INO80: variants seen among roughly 807,000 people sequenced by gnomAD.
INO80 encodes INO80 complex ATPase subunit, also known as chromatin-remodeling ATPase INO80.
Under a neutral mutation model 203.4 loss-of-function variants are expected in INO80, and 20 were observed. The observed-to-expected ratio is 0.10, with a 90% CI of 0.07 to 0.14. The LOEUF is 0.14. INO80 is among the 10% of genes least tolerant of loss of function. The probability of loss-of-function intolerance (pLI) is 1.00; values close to 1 mark genes in which losing one functional copy is unlikely to be tolerated. For synonymous variants in INO80, 726 were observed against 685.2 expected (o/e 1.06, Z -0.93); for missense variants, 1,419 against 1,914.4 (o/e 0.74, Z 4.83).
intron 29 of INO80, among the ~76,000 whole-genome samples, chr15:40,994,733 A>G (rs2043858952): frequency 6.6e-6 from 1 of 152,182 alleles, no homozygotes; most frequent in African/African-American, 2.4e-5. Context: ...AATGTAATTT[A>G]TAGTAACTAT....
intron 19 of INO80, among the ~76,000 whole-genome samples, chr15:41,051,500 T>A (rs542411603): frequency 1.3e-5 from 2 of 151,064 alleles, no homozygotes; most frequent in South Asian, 4.2e-4. Flanking sequence ...ATCACCTCTC[T>A]ATGTAGCACT....
At chr15:41,037,798 C>T (rs2044603320) in intron 24 of INO80, among the ~76,000 whole-genome samples, 1 of 151,354 alleles carries the variant, frequency 6.6e-6, no homozygotes, top group Non-Finnish European at 1.5e-5. Flanking sequence ...CAAAAATTAG[C>T]TTGGAGTGGT....
At chr15:41,045,809 G>C (rs559949258) in intron 23 of INO80, among the ~76,000 whole-genome samples, 1 of 151,800 alleles carries the variant, frequency 6.6e-6, no homozygotes, top group African/African-American at 2.4e-5. Context: ...GCTGAGGCAG[G>C]AGAATAACTT....
chr15:41,092,029 CCTT>C lies in INO80; in HGVS notation c.532_534del (p.Lys178del), dbSNP rs750341945. ...AGTGTTTCTCCTGAAACTCTTACCT[CCTT>C]GTCTTTACTATACTTATTTTGGTGA... On this transcript the variant is annotated inframe_deletion, in exon 5 of 36. Coordinates refer to ENST00000648947, the MANE Select transcript of INO80 (RefSeq NM_017553.3). 16 of 1,600,432 alleles carry C rather than the reference CCTT, an allele frequency of 1.0e-5. No homozygotes were observed. In the Admixed American group the frequency reaches 1.3e-4, roughly 13 times the overall value.
intron 1 of INO80, among the ~76,000 whole-genome samples, chr15:41,113,563 C>T (rs1023945740): frequency 2.0e-5 from 3 of 152,158 alleles, no homozygotes; most frequent in East Asian, 1.9e-4. Flanking sequence ...CCACCGCACC[C>T]GGCCAACAAA....
At chr15:40,998,253 C>T (rs1017246666) in intron 28 of INO80, among the ~76,000 whole-genome samples, 2 of 151,954 alleles carry the variant, frequency 1.3e-5, no homozygotes, top group Non-Finnish European at 2.9e-5. Context: ...GAACTCCTGA[C>T]CTCGTGATCC....
chr15:41,008,367 CA>C (rs1022855770), intron 27 of INO80, among the ~76,000 whole-genome samples: 4 of 151,936 alleles, frequency 2.6e-5, no homozygotes, highest in African/African-American at 7.3e-5. Context: ...CTTATATGTG[CA>C]AGCTTAAAAA....
At chr15:41,037,146 T>G (rs1433237394) in intron 24 of INO80, among the ~76,000 whole-genome samples, 12 of 79,524 alleles carry the variant, frequency 1.5e-4, no homozygotes. Context: ...ATAGATTGAT[T>G]TCTCACTTGA....
rs146362303 is a variant in INO80 at position 40,980,737 on chromosome 15, A to G, written c.4454-297T>C. 2.6e-3 allele frequency among the ~76,000 whole-genome samples: 392 copies of G among 152,358 alleles called. 1 individual carries two copies. The highest frequency in any genetic ancestry group is 8.8e-3 in the African/African-American group (364 of 41,578). On this transcript the variant is annotated intron_variant, in intron 35 of 35. Transcript: ENST00000648947. ...CTCTAGATAGAGCACACATTTTACA[A>G]TCTGAGACACCAAAGTTACAGGATG...
chr15:41,021,915 C>CT (rs34357433), intron 25 of INO80, among the ~76,000 whole-genome samples: 121 of 152,346 alleles, frequency 7.9e-4, no homozygotes, highest in Non-Finnish European at 1.2e-3. Flanking sequence ...TATTCCTACT[C>CT]TAATAGGCAG....
intron 1 of INO80, among the ~76,000 whole-genome samples, chr15:41,105,766 T>G (rs1566951459): frequency 6.6e-6 from 1 of 152,218 alleles, no homozygotes; most frequent in African/African-American, 2.4e-5. Context: ...CTTTGGCCAC[T>G]GGAAACTTTC....
rs1314736460 is a variant in INO80 at position 41,092,038 on chromosome 15, T to C, written c.526A>G (p.Lys176Glu). The C allele has an allele frequency of 6.2e-7, 1 of 1,608,016 alleles. No individual in the cohort carries two copies. Among genetic ancestry groups the C allele is most frequent in the Non-Finnish European group, 8.5e-7 (1 of 1,174,958 alleles). Reference protein sequence around the residue: ...YKKLHQNKYSKDKELQQYQYY... With the variant: ...YKKLHQNKYSEDKELQQYQYY... ...CCTGAAACTCTTACCTCCTTGTCTT[T>C]ACTATACTTATTTTGGTGAAGTTTC... The change falls in exon 5 of 36, where the codon AAA (lysine) becomes GAA (glutamate). Residue 176 changes from lysine (K) to glutamate (E), a missense_variant. By Grantham distance (56) the Lys-to-Glu change is moderately conservative (BLOSUM62 1). Around this residue, in one of 9 missense-constraint regions of INO80, gnomAD observed 323 missense variants for 325.4 expected, o/e 0.99. Transcript: ENST00000648947.
At chr15:41,078,192 C>T (rs1162011821) in intron 9 of INO80, among the ~76,000 whole-genome samples, 2 of 152,104 alleles carry the variant, frequency 1.3e-5, no homozygotes, top group Non-Finnish European at 2.9e-5. Context: ...GCCACCGCGC[C>T]CGGCCAAGAA....
rs566655051 is a variant in INO80, at chr15:41,079,006, G to T, written c.1131+695C>A. On this transcript the variant is annotated intron_variant, in intron 9 of 35. Transcript: ENST00000648947. ...AAATACAAAAAATTAGCCAGGCATG[G>T]TGGTGGGTGCCTATAGTCCCAGCTA... Among the ~76,000 whole-genome samples the T allele has an allele frequency of 3.3e-5, 5 of 152,274 alleles. No homozygotes were observed. In the East Asian group the frequency reaches 9.6e-4, roughly 29 times the overall value.
intron 28 of INO80, among the ~76,000 whole-genome samples, chr15:40,998,113 C>T (rs1022886947): frequency 8.8e-5 from 13 of 147,538 alleles, no homozygotes; most frequent in African/African-American, 3.0e-4. Context: ...CCTCTGCCTC[C>T]TGGGTTCAAG....
chr15:41,062,957 G>C (rs1194840334), intron 14 of INO80, among the ~76,000 whole-genome samples: 1 of 152,156 alleles, frequency 6.6e-6, no homozygotes, highest in African/African-American at 2.4e-5. Flanking sequence ...CATTTAATCA[G>C]TCCAAAAGGA....
intron 24 of INO80, among the ~76,000 whole-genome samples, chr15:41,044,646 T>C (rs1238181077): frequency 7.2e-5 from 11 of 152,116 alleles, no homozygotes; most frequent in Non-Finnish European, 1.6e-4. Context: ...TATACACATA[T>C]ATAAATTCAC....
In INO80 at chr15:40,996,496, G is replaced by GTT. The variant is rs535434780; in HGVS notation, c.3570+1031_3570+1032dup. The stretch of plus-strand genomic sequence containing the variant: ...GTCACCACGCCCGGCTATTTTTTTT[G>GTT]TTTTTTTTTGGTAGAGACGTGGTTT... On this transcript the variant is annotated intron_variant, in intron 29 of 35. Transcript: ENST00000648947. Among the ~76,000 whole-genome samples the GTT allele has an allele frequency of 7.6e-3, 1,136 of 149,554 alleles. 19 individuals carry two copies. The highest frequency in any genetic ancestry group is 0.027 in the African/African-American group (1,098 of 40,806).
chr15:41,092,480 T>A (rs775570523), intron 4 of INO80, among the ~76,000 whole-genome samples: 1 of 151,936 alleles, frequency 6.6e-6, no homozygotes, highest in Non-Finnish European at 1.5e-5. Context: ...ACATACAAAC[T>A]ATACATACAT....
Sources: gnomAD v4.1 joint callset for allele counts (sites outside exome capture counted in the v4.1 genomes callset) on GRCh38, gnomAD v4.1.1 for gene constraint, gnomAD v4.1.1 regional missense constraint, MANE v1.5 for transcripts, NCBI Gene and HGNC (gene_info 2026-07-23, HGNC 2026-07-21) for gene names.